Variants in NACC2 observed in about 807,000 individuals in gnomAD.
NACC2 encodes nucleus accumbens-associated protein 2.
In NACC2, 8 loss-of-function variants were observed where a neutral mutation model predicts 25.1. The ratio of observed to expected loss-of-function variants is 0.32; its 90% CI spans 0.19 to 0.57. The LOEUF (loss-of-function observed/expected upper bound fraction) is 0.57, where lower values mean the gene tolerates loss of function less well. NACC2 is among the 20% of genes least tolerant of loss of function. NACC2 has a pLI of 0.89. For synonymous variants in NACC2, 435 were observed against 294.7 expected (o/e 1.48, Z -4.88); for missense variants, 644 against 650.2 (o/e 0.99, Z 0.10).
chr9:136,051,159 C>A (rs1044165625), intron 1 of NACC2, among the ~76,000 whole-genome samples: 6 of 152,228 alleles, frequency 3.9e-5, no homozygotes, highest in African/African-American at 1.4e-4. Flanking sequence ...TCCCCCTGAG[C>A]CTCCCGGGCA....
chr9:136,067,080 C>A (rs1274479290), intron 1 of NACC2, among the ~76,000 whole-genome samples: 2 of 151,976 alleles, frequency 1.3e-5, no homozygotes, highest in African/African-American at 4.8e-5. Flanking sequence ...CATGTCGAAA[C>A]CCCGTCTCTA....
intron 1 of NACC2, among the ~76,000 whole-genome samples, chr9:136,063,901 A>AC (rs1345004331): frequency 4.4e-4 from 66 of 150,096 alleles, no homozygotes; most frequent in African/African-American, 1.3e-3. Flanking sequence ...AAAAAAACAA[A>AC]AAAAACAAAA....
Position 136,022,512 on chromosome 9 carries a change from G to C in NACC2, c.887-6083C>G, listed in dbSNP as rs1840307079. Among the ~76,000 whole-genome samples, 1 of 152,218 alleles carries C rather than the reference G, an allele frequency of 6.6e-6. No homozygotes were observed. Among genetic ancestry groups the C allele is most frequent in the Non-Finnish European group, 1.5e-5 (1 of 68,024 alleles). Reference sequence around the variant, plus strand: ...ATTTAGTGTGGTCACTGCAGCTCGGGGAGACCTGCCTTCCCTGCTGTTGCC... The same window carrying C: ...ATTTAGTGTGGTCACTGCAGCTCGGCGAGACCTGCCTTCCCTGCTGTTGCC... On this transcript the variant is annotated intron_variant, in intron 2 of 5. Coordinates refer to ENST00000277554, the MANE Select transcript of NACC2 (RefSeq NM_144653.5). The surrounding 1 kb of genome is among the most constrained non-coding windows in gnomAD (Gnocchi z 4.4).
intron 1 of NACC2, among the ~76,000 whole-genome samples, chr9:136,070,900 C>T (rs967415142): frequency 4.0e-5 from 6 of 151,480 alleles, no homozygotes; most frequent in Non-Finnish European, 5.9e-5. Flanking sequence ...AATTACAGAC[C>T]CTGCAGATAG....
At chr9:136,054,572 G>A (rs1840897182) in intron 1 of NACC2, among the ~76,000 whole-genome samples, 1 of 152,176 alleles carries the variant, frequency 6.6e-6, no homozygotes, top group Admixed American at 6.5e-5. Flanking sequence ...CAGAGAGGAG[G>A]GGGCCGAGGG....
In NACC2 at chr9:136,058,317, T is replaced by C. The variant is rs1840957473; in HGVS notation, c.-59-7737A>G. ...CCACCTCCATCCCTGCCCCACCCCA[T>C]CCTGCCCGGTCCCCACGGCTCCCAG... On this transcript the variant is annotated intron_variant, in intron 1 of 5. Transcript: ENST00000277554. 2.0e-5 allele frequency among the ~76,000 whole-genome samples: 3 copies of C among 152,310 alleles called. No individual in the cohort carries two copies. In the South Asian group the frequency reaches 6.2e-4, roughly 32 times the overall value.
At chr9:136,051,642 G>A (rs1840839777) in intron 1 of NACC2, among the ~76,000 whole-genome samples, 1 of 152,060 alleles carries the variant, frequency 6.6e-6, no homozygotes, top group Non-Finnish European at 1.5e-5. Context: ...CGGAGCCACC[G>A]CGCCGGGAGC....
chr9:136,058,819 CTGGGGCA>C (rs1443426598), intron 1 of NACC2, among the ~76,000 whole-genome samples: 1 of 152,276 alleles, frequency 6.6e-6, no homozygotes, highest in African/African-American at 2.4e-5. Context: ...ATGCCTCACG[CTGGGGCA>C]TGGGATTGGA....
intron 1 of NACC2, among the ~76,000 whole-genome samples, chr9:136,092,442 G>A (rs972612124): frequency 6.6e-6 from 1 of 152,316 alleles, no homozygotes; most frequent in African/African-American, 2.4e-5. Flanking sequence ...CAGGTCCAGC[G>A]TCCAGACGGG....
chr9:136,071,524 T>G (rs7028545), intron 1 of NACC2, among the ~76,000 whole-genome samples: 1 of 130,778 alleles, frequency 7.6e-6, no homozygotes, highest in African/African-American at 3.1e-5. Context: ...GCCTGGATGA[T>G]AGAGTGAGAC....
In NACC2 at chr9:136,020,826, G is replaced by A. The variant is rs1001913087; in HGVS notation, c.887-4397C>T. Among the ~76,000 whole-genome samples, 43 of 152,148 alleles carry A rather than the reference G, an allele frequency of 2.8e-4. No homozygotes were observed. The highest frequency in any genetic ancestry group is 2.2e-3 in the Admixed American group (33 of 15,272). On this transcript the variant is annotated intron_variant, in intron 2 of 5. Coordinates refer to ENST00000277554, the MANE Select transcript of NACC2 (RefSeq NM_144653.5). The surrounding 1 kb of genome is among the most constrained non-coding windows in gnomAD (Gnocchi z 4.7). The stretch of plus-strand genomic sequence containing the variant: ...TGCTCGATTGGCTTTTGACAAAGGT[G>A]CACCAGCCTTTGTCAACGGAGGAGG...
chr9:136,023,944 C>T (rs540621178), intron 2 of NACC2, among the ~76,000 whole-genome samples: 2 of 152,388 alleles, frequency 1.3e-5, no homozygotes, highest in South Asian at 4.1e-4. Flanking sequence ...CCCAACCACA[C>T]AAATGCACAA....
rs1205927275 is a variant in NACC2 at position 136,018,638 on chromosome 9, C to T, written c.887-2209G>A. Among the ~76,000 whole-genome samples, 1 of 152,000 alleles carries T rather than the reference C, an allele frequency of 6.6e-6. No homozygotes were observed. The highest frequency in any genetic ancestry group is 1.5e-5 in the Non-Finnish European group (1 of 67,986). On this transcript the variant is annotated intron_variant, in intron 2 of 5. Transcript: ENST00000277554. The surrounding 1 kb of genome is among the most constrained non-coding windows in gnomAD (Gnocchi z 4.4). ...AGCAGAGGCTGCAACAGAACAGAGG[C>T]CAGAAAGGGGGCCTCAAAGGTGGGT...
chr9:136,033,940 T>TGTGTGTGTGTGTGTGA (rs1491487263), intron 2 of NACC2, among the ~76,000 whole-genome samples: 1 of 144,672 alleles, frequency 6.9e-6, no homozygotes, highest in East Asian at 2.1e-4. Flanking sequence ...TGTGTGTGTG[T>TGTGTGTGTGTGTGTGA]GAGATATTTG....
At chr9:136,056,740 C>T (rs1350550742) in intron 1 of NACC2, among the ~76,000 whole-genome samples, 1 of 152,152 alleles carries the variant, frequency 6.6e-6, no homozygotes. Context: ...AGGGCTGGGC[C>T]CAGGCCGGGC....
rs151013764 is a variant in NACC2 at position 136,068,987 on chromosome 9, G to A, written c.-59-18407C>T. Among the ~76,000 whole-genome samples, 315 of 149,972 alleles carry A rather than the reference G, an allele frequency of 2.1e-3. 9 individuals are homozygous for A. The highest frequency in any genetic ancestry group is 7.7e-3 in the African/African-American group (310 of 40,432). The stretch of plus-strand genomic sequence containing the variant: ...GGCTGGAGTTTAATGGCACAATCTC[G>A]GCTCTGTCTCCCAGGTTCAAGCAAT... On this transcript the variant is annotated intron_variant, in intron 1 of 5. Transcript: ENST00000277554.
chr9:136,042,773 C>T (rs537633895), intron 2 of NACC2, among the ~76,000 whole-genome samples: 1 of 148,860 alleles, frequency 6.7e-6, no homozygotes, highest in African/African-American at 2.5e-5. Context: ...CACAGAGACA[C>T]ACAGACACAC....
rs1379450747 is a variant in NACC2, at chr9:136,020,979, A to G, written c.887-4550T>C. 6.6e-6 allele frequency among the ~76,000 whole-genome samples: 1 copy of G among 152,196 alleles called. No individual in the cohort carries two copies. Among genetic ancestry groups the G allele is most frequent in the African/African-American group, 2.4e-5 (1 of 41,444 alleles). ...AGAAGGTCTTTATGAGCTTAGGTTA[A>G]GCTAAAGTCTTAGACAAGGCCCCCA... On this transcript the variant is annotated intron_variant, in intron 2 of 5. Transcript: ENST00000277554. The surrounding 1 kb of genome is among the most constrained non-coding windows in gnomAD (Gnocchi z 4.7).
intron 1 of NACC2, among the ~76,000 whole-genome samples, chr9:136,052,701 G>T (rs1030525751): frequency 6.6e-6 from 1 of 152,320 alleles, no homozygotes; most frequent in East Asian, 1.9e-4. Context: ...ACCAGGAGCC[G>T]GAAGGGGCAG....
Sources: allele counts gnomAD v4.1 joint callset (sites outside exome capture counted in the v4.1 genomes callset), GRCh38; gene constraint gnomAD v4.1.1; non-coding constraint Gnocchi (gnomAD v3.1); transcripts MANE v1.5; gene names NCBI Gene and HGNC (gene_info 2026-07-23, HGNC 2026-07-21).